AGBL4: variants seen among roughly 807,000 people sequenced by gnomAD.
AGBL4 encodes cytosolic carboxypeptidase 6.
In AGBL4, 58 loss-of-function variants were observed where a neutral mutation model predicts 66.4. That is an observed-to-expected ratio of 0.87 (90% CI 0.71 to 1.09). The LOEUF is 1.09. Among genes scored for constraint, AGBL4 ranks in the 50% least tolerant of loss-of-function variants. The pLI, the probability that AGBL4 is intolerant of heterozygous loss-of-function variation, is 0.00. For missense variants in AGBL4, 579 were observed against 631.0 expected (o/e 0.92, Z 0.88); for synonymous variants, 234 against 222.9 (o/e 1.05, Z -0.44).
At chr1:49,601,708 T>C (rs1220712478) in intron 3 of AGBL4, among the ~76,000 whole-genome samples, 3 of 152,188 alleles carry the variant, frequency 2.0e-5, no homozygotes, top group Non-Finnish European at 4.4e-5. Flanking sequence ...TAACTCAAGA[T>C]GGATTAGAGA....
At chr1:49,560,278 G>C (rs1644005723) in intron 3 of AGBL4, among the ~76,000 whole-genome samples, 2 of 152,110 alleles carry the variant, frequency 1.3e-5, no homozygotes. Flanking sequence ...TAAAGAGACA[G>C]AGATAATTTG....
intron 3 of AGBL4, among the ~76,000 whole-genome samples, chr1:49,526,665 T>A (rs900008152): frequency 5.3e-5 from 8 of 151,920 alleles, no homozygotes; most frequent in Admixed American, 2.6e-4. Context: ...TAGTGACAAG[T>A]CAATGTCTAG....
chr1:49,056,861 C>G (rs113261401), intron 4 of AGBL4, among the ~76,000 whole-genome samples: 150 of 152,132 alleles, frequency 9.9e-4, no homozygotes, highest in Non-Finnish European at 1.7e-3. Context: ...AAAGTAAGAG[C>G]AAAGTCAAAA....
chr1:49,758,444 T>C (rs555099765), intron 2 of AGBL4, among the ~76,000 whole-genome samples: 16 of 152,224 alleles, frequency 1.1e-4, no homozygotes, highest in African/African-American at 3.6e-4. Flanking sequence ...GCTTATACCG[T>C]ATGCTTGGAA....
chr1:49,954,492 T>C (rs923178385), intron 1 of AGBL4, among the ~76,000 whole-genome samples: 14 of 152,004 alleles, frequency 9.2e-5, no homozygotes, highest in African/African-American at 3.1e-4. Context: ...TGCCATAAGA[T>C]GACACAGCAA....
chr1:49,474,293 T>C (rs1646805557), intron 3 of AGBL4, among the ~76,000 whole-genome samples: 1 of 152,110 alleles, frequency 6.6e-6, no homozygotes, highest in East Asian at 1.9e-4. Context: ...TTGTGTCATC[T>C]CCGATTTCTT....
chr1:48,761,554 T>G (rs1489848414), intron 6 of AGBL4: 17 of 1,377,180 alleles, frequency 1.2e-5, no homozygotes, highest in Non-Finnish European at 1.7e-5. Context: ...CCTCAAATGC[T>G]AGAAAATAAT....
chr1:50,017,379 A>G lies in AGBL4; in HGVS notation c.34+6384T>C, dbSNP rs540594364. 3.3e-5 allele frequency: 5 copies of G among 152,238 alleles called. No individual in the cohort carries two copies. In the South Asian group the frequency reaches 8.3e-4, roughly 25 times the overall value. The allele number at this position is 152,238 out of a possible 1,614,324, so 9.4% of individuals were successfully genotyped here. ...AAAAACTAGCCCCTATCTCGATTAT[A>G]TTTCAAATTTTCCCATCAATAAACA... On this transcript the variant is annotated intron_variant, in intron 1 of 13. Coordinates refer to ENST00000371839, the MANE Select transcript of AGBL4 (RefSeq NM_032785.4).
At chr1:49,224,797 A>G (rs1329034159) in intron 4 of AGBL4, among the ~76,000 whole-genome samples, 1 of 152,140 alleles carries the variant, frequency 6.6e-6, no homozygotes, top group East Asian at 1.9e-4. Flanking sequence ...AGGGATTCAC[A>G]GTCCAAAAAT....
chr1:48,931,787 G>A (rs185472869), intron 5 of AGBL4, among the ~76,000 whole-genome samples: 1 of 152,278 alleles, frequency 6.6e-6, no homozygotes, highest in Admixed American at 6.5e-5. Context: ...GGGATTACAG[G>A]CATGAGTCAC....
chr1:49,144,500 T>A (rs565093350), intron 4 of AGBL4, among the ~76,000 whole-genome samples: 1 of 150,804 alleles, frequency 6.6e-6, no homozygotes, highest in South Asian at 2.1e-4. Context: ...CTCACTTCTG[T>A]GCAATCCTAT....
intron 11 of AGBL4, chr1:48,586,065 A>G (rs1644814374): frequency 6.6e-6 from 1 of 152,230 alleles, no homozygotes; most frequent in Non-Finnish European, 1.5e-5. Context: ...GAAAGGAGAC[A>G]TAGATCAACC....
intron 4 of AGBL4, among the ~76,000 whole-genome samples, chr1:49,206,892 AGAG>A (rs1168454025): frequency 3.8e-4 from 44 of 116,660 alleles, no homozygotes; most frequent in African/African-American, 1.5e-3. Context: ...AGAGGAGAGG[AGAG>A]GAGAGGAGAG....
At chr1:48,724,956 C>T (rs937453318) in intron 6 of AGBL4, among the ~76,000 whole-genome samples, 3 of 152,116 alleles carry the variant, frequency 2.0e-5, no homozygotes, top group African/African-American at 7.2e-5. Context: ...TGGCCTGGCA[C>T]AAGAATCCAA....
At chr1:49,449,431 A>G (rs1646229421) in intron 3 of AGBL4, among the ~76,000 whole-genome samples, 1 of 152,088 alleles carries the variant, frequency 6.6e-6, no homozygotes, top group Non-Finnish European at 1.5e-5. Context: ...CTAAAGCCTC[A>G]CTTGCTAGCT....
chr1:48,974,882 C>T (rs1659190440), intron 5 of AGBL4, among the ~76,000 whole-genome samples: 1 of 152,116 alleles, frequency 6.6e-6, no homozygotes, highest in Non-Finnish European at 1.5e-5. Flanking sequence ...CTGTCAGGGA[C>T]CATAGCATAC....
intron 3 of AGBL4, among the ~76,000 whole-genome samples, chr1:49,473,773 A>G (rs980345951): frequency 1.3e-5 from 2 of 152,018 alleles, no homozygotes; most frequent in Non-Finnish European, 2.9e-5. Flanking sequence ...GGTTTTACAC[A>G]TTAGTCTTTA....
intron 3 of AGBL4, among the ~76,000 whole-genome samples, chr1:49,404,228 C>T (rs1570634781): frequency 6.6e-6 from 1 of 152,108 alleles, no homozygotes; most frequent in Non-Finnish European, 1.5e-5. Flanking sequence ...AAAGTGGGCT[C>T]CTGATCTAAA....
rs565327674 is a variant in AGBL4 at position 49,236,125 on chromosome 1, G to A, written c.377+9645C>T. The stretch of plus-strand genomic sequence containing the variant: ...GCTTACTGCAACCTCCTCCTCCCAG[G>A]AACAAGTGATTCTTCTGCCTCAGCT... On this transcript the variant is annotated intron_variant, in intron 4 of 13. Transcript: ENST00000371839. Among the ~76,000 whole-genome samples the A allele has an allele frequency of 4.5e-4, 69 of 152,104 alleles. 1 individual carries two copies. In the South Asian group the frequency reaches 0.013, roughly 29 times the overall value.
Sources: gnomAD v4.1 joint callset for allele counts (sites outside exome capture counted in the v4.1 genomes callset) on GRCh38, gnomAD v4.1.1 for gene constraint, MANE v1.5 for transcripts, NCBI Gene and HGNC (gene_info 2026-07-23, HGNC 2026-07-21) for gene names.